Variants in GLT6D1 observed in about 807,000 individuals in gnomAD.
GLT6D1 encodes glycosyltransferase 6 domain containing 1, also known as putative glycosyltransferase 6 domain-containing protein 1.
GLT6D1 carries 9 observed loss-of-function variants against 12.3 expected under a neutral mutation model. The ratio of observed to expected loss-of-function variants is 0.73; its 90% CI spans 0.44 to 1.27. The LOEUF (loss-of-function observed/expected upper bound fraction) is 1.27, where lower values mean the gene tolerates loss of function less well. GLT6D1 is among the 50% of genes most tolerant of loss of function. GLT6D1 has a pLI of 0.00. For missense variants in GLT6D1, 335 were observed against 346.2 expected, an observed-to-expected ratio of 0.97 and a Z score of 0.26; for synonymous variants, 128 against 132.3, an observed-to-expected ratio of 0.97 and a Z score of 0.23.
At position 135,631,469 on chromosome 9, in the gene GLT6D1, T is replaced by C. The variant is rs1462386002; in HGVS notation, c.81A>G (p.Gln27=). Residue 27 remains glutamine, a synonymous_variant, in exon 3 of 5, where the codon CAA becomes CAG. Coordinates refer to ENST00000371763, the MANE Select transcript of GLT6D1 (RefSeq NM_182974.3). The part of the protein sequence containing the change: ...MLVERYFRNH[Q]VEELRLSDWF... The stretch of plus-strand genomic sequence containing the variant: ...AGTCTGAGAGCCGAAGTTCTTCTAC[T>C]TGGTGATTCCTGGATACAAAGAGAA... The C allele has an allele frequency of 6.2e-7, 1 of 1,611,334 alleles. No homozygotes were observed. Among genetic ancestry groups the C allele is most frequent in the South Asian group, 1.1e-5 (1 of 91,014 alleles).
At chr9:135,625,973 T>C in intron 4 of GLT6D1, 96 bp downstream of exon 4, 1 of 1,360,068 alleles carries the variant, frequency 7.4e-7, no homozygotes, top group Non-Finnish European at 1.0e-6. Flanking sequence ...TCACTAATTA[T>C]GCTTAATTAT....
intron 3 of GLT6D1, among the ~76,000 whole-genome samples, chr9:135,630,486 G>A (rs975980827): frequency 2.6e-5 from 4 of 151,416 alleles, no homozygotes; most frequent in African/African-American, 7.3e-5. Flanking sequence ...TCGGGAGGCC[G>A]AGGCAGGTGG....
chr9:135,634,777 C>T (rs1833733547), intron 2 of GLT6D1, among the ~76,000 whole-genome samples: 1 of 151,178 alleles, frequency 6.6e-6, no homozygotes, highest in Non-Finnish European at 1.5e-5. Flanking sequence ...GGATCCCACC[C>T]AGCACGCCAC....
chr9:135,640,558 A>G (rs540565093), upstream of GLT6D1, among the ~76,000 whole-genome samples: 1 of 152,066 alleles, frequency 6.6e-6, no homozygotes, highest in East Asian at 1.9e-4. Flanking sequence ...CGTCTCTACT[A>G]AAAATACAAA....
chr9:135,640,901 G>A (rs968595305), upstream of GLT6D1, among the ~76,000 whole-genome samples: 1 of 152,058 alleles, frequency 6.6e-6, no homozygotes, highest in Admixed American at 6.6e-5. Context: ...ATGTGGATGG[G>A]GTAAGACAGG....
chr9:135,629,927 G>GT (rs1187453932), intron 3 of GLT6D1, among the ~76,000 whole-genome samples: 1 of 151,984 alleles, frequency 6.6e-6, no homozygotes, highest in East Asian at 1.9e-4. Context: ...TTTGGTTGCT[G>GT]TTTGTATGGT....
intron 2 of GLT6D1, among the ~76,000 whole-genome samples, chr9:135,636,728 GC>G (rs1363227506): frequency 3.3e-5 from 5 of 152,040 alleles, no homozygotes; most frequent in Non-Finnish European, 5.9e-5. Context: ...ATATAGTTTT[GC>G]CTTTTCCAGA....
At chr9:135,630,160 C>T (rs1421387359) in intron 3 of GLT6D1, among the ~76,000 whole-genome samples, 4 of 151,442 alleles carry the variant, frequency 2.6e-5, no homozygotes, top group African/African-American at 9.7e-5. Context: ...AATCCCAGCA[C>T]TTTGGGAGGC....
At chr9:135,639,219 G>C (rs1323520457) in intron 1 of GLT6D1, 26 bp from the exon 2 acceptor site, 10 of 1,269,884 alleles carry the variant, frequency 7.9e-6, no homozygotes, top group Admixed American at 1.9e-5. Context: ...GAAAAAATTA[G>C]ATTTTAAGCA....
chr9:135,630,581 G>A (rs1833620141), intron 3 of GLT6D1, among the ~76,000 whole-genome samples: 1 of 151,910 alleles, frequency 6.6e-6, no homozygotes, highest in African/African-American at 2.4e-5. Context: ...TTAGCCAGGT[G>A]TGCTGGCAGG....
chr9:135,628,169 T>C (rs1833559936), intron 3 of GLT6D1, among the ~76,000 whole-genome samples: 1 of 152,154 alleles, frequency 6.6e-6, no homozygotes, highest in African/African-American at 2.4e-5. Flanking sequence ...CTTTGATTCA[T>C]GAAAGTTTTT....
intron 2 of GLT6D1, among the ~76,000 whole-genome samples, chr9:135,632,413 T>C (rs1016380456): frequency 1.3e-5 from 2 of 152,166 alleles, no homozygotes; most frequent in African/African-American, 4.8e-5. Flanking sequence ...TTTCTGGCAT[T>C]ATCATGAGTA....
In GLT6D1 at chr9:135,624,195, C is replaced by A. The variant is rs1588197072; in HGVS notation, c.733G>T (p.Glu245Ter). Residue 245 changes from glutamate (E) to a stop codon, truncating the protein, a stop_gained, in exon 5 of 5, where the codon GAA becomes TAA. Transcript: ENST00000371763. LOFTEE classifies it low-confidence loss of function (END_TRUNC). ...TCATGAATAACTCCGTTCAGATATT[C>A]TTTGATGAAGTCTAAAATATTATGG... ...TPHNILDFIKEYLNGVIHDIK... is the reference protein window; with the variant it reads ...TPHNILDFIK 2 of 1,612,068 alleles carry A rather than the reference C, an allele frequency of 1.2e-6. No homozygotes were observed. Among genetic ancestry groups the A allele is most frequent in the South Asian group, 1.1e-5 (1 of 90,562 alleles).
rs776370434 is a variant in GLT6D1 at position 135,631,443 on chromosome 9, C to T, written c.107G>A (p.Trp36Ter). 1 of 1,611,346 alleles carries T rather than the reference C, an allele frequency of 6.2e-7. No homozygotes were observed. The change falls in exon 3 of 5, where the codon TGG (tryptophan) becomes TAG (stop). Residue 36 changes from tryptophan to a stop codon, truncating the protein, a stop_gained. Transcript: ENST00000371763. LOFTEE classifies it high-confidence loss of function. ...TTTTTGTTCTTACCTAGGATGAAAC[C>T]AGTCTGAGAGCCGAAGTTCTTCTAC... ...HQVEELRLSDWFHPRKRPDVI... is the reference protein window; with the variant it reads ...HQVEELRLSD
At chr9:135,630,463 T>C (rs1423446888) in intron 3 of GLT6D1, among the ~76,000 whole-genome samples, 1 of 147,550 alleles carries the variant, frequency 6.8e-6, no homozygotes, top group Non-Finnish European at 1.5e-5. Flanking sequence ...ATAGTAAACA[T>C]ATAAAAAGAT....
chr9:135,635,905 C>T (rs1833763729), intron 2 of GLT6D1, among the ~76,000 whole-genome samples: 1 of 152,224 alleles, frequency 6.6e-6, no homozygotes, highest in Non-Finnish European at 1.5e-5. Flanking sequence ...AAGAAACTTG[C>T]TCCCCCATGC....
In GLT6D1 at chr9:135,636,129, C is replaced by T. The variant is rs370007812; in HGVS notation, c.71+2988G>A. On this transcript the variant is annotated intron_variant, in intron 2 of 4. Transcript: ENST00000371763. ...CAGAATTTTGGGAGGCTGTGGCAGG[C>T]GGATCACCTGAGGTCAGGAGTTTGA... Among the ~76,000 whole-genome samples the T allele has an allele frequency of 9.4e-4, 143 of 152,138 alleles. 4 individuals carry two copies. In the South Asian group the frequency reaches 0.029, roughly 31 times the overall value.
In GLT6D1 at chr9:135,624,265, T is replaced by C. The variant is rs200214074; in HGVS notation, c.663A>G (p.Gly221=). The stretch of plus-strand genomic sequence containing the variant: ...AGTTGCCATAATAGAAATCTCCCTG[T>C]CCAAACGGGATGCAAGCTGCTGAGG... ...RPTSAACIPF[G]QGDFYYGNLM... Residue 221 remains glycine, a synonymous_variant, in exon 5 of 5, where the codon GGA becomes GGG. Coordinates refer to ENST00000371763, the MANE Select transcript of GLT6D1 (RefSeq NM_182974.3). The C allele has an allele frequency of 5.0e-6, 8 of 1,604,298 alleles. No homozygotes were observed. In the South Asian group the frequency reaches 6.7e-5, roughly 13 times the overall value.
At chr9:135,630,128 A>G (rs1251450943) in intron 3 of GLT6D1, among the ~76,000 whole-genome samples, 1 of 152,160 alleles carries the variant, frequency 6.6e-6, no homozygotes, top group East Asian at 1.9e-4. Flanking sequence ...AATTTTGGCC[A>G]GGCGTGGTGG....
Sources: allele counts gnomAD v4.1 joint callset (sites outside exome capture counted in the v4.1 genomes callset), GRCh38; gene constraint gnomAD v4.1.1; transcripts MANE v1.5; gene names NCBI Gene and HGNC (gene_info 2026-07-23, HGNC 2026-07-21).